The following MALRD1 variants were observed in gnomAD, a reference collection of about 807,000 sequenced individuals.
The protein encoded by MALRD1 is MAM and LDL-receptor class A domain-containing protein 1.
A neutral mutation model predicts 242.1 loss-of-function variants in MALRD1; 247 were observed. That is an observed-to-expected ratio of 1.02 (90% CI 0.92 to 1.13). The LOEUF is 1.13. Among genes scored for constraint, MALRD1 ranks in the 50% most tolerant of loss-of-function variants. The pLI, the probability that MALRD1 is intolerant of heterozygous loss-of-function variation, is 0.00. For synonymous variants in MALRD1, 995 were observed against 866.6 expected, an observed-to-expected ratio of 1.15 and a Z score of -2.60; for missense variants, 2,989 against 2,533.1, an observed-to-expected ratio of 1.18 and a Z score of -3.86.
chr10:19,444,262 A>G (rs1204682545), intron 28 of MALRD1, among the ~76,000 whole-genome samples: 1 of 152,100 alleles, frequency 6.6e-6, no homozygotes, highest in African/African-American at 2.4e-5. Flanking sequence ...CTCTTTATCC[A>G]ATTTGCCAGT....
At chr10:19,607,503 T>C (rs1380789460) in intron 34 of MALRD1, among the ~76,000 whole-genome samples, 1 of 152,106 alleles carries the variant, frequency 6.6e-6, no homozygotes, top group African/African-American at 2.4e-5. Flanking sequence ...GGGTTAGGGT[T>C]TCAAGATATG....
chr10:19,420,328 C>T (rs1425435865), intron 28 of MALRD1, among the ~76,000 whole-genome samples: 2 of 151,496 alleles, frequency 1.3e-5, no homozygotes, highest in African/African-American at 2.4e-5. Flanking sequence ...AGCCGGTAAT[C>T]GAAAAACGTT....
intron 13 of MALRD1, among the ~76,000 whole-genome samples, chr10:19,173,628 C>T (rs1033553134): frequency 6.6e-6 from 1 of 152,156 alleles, no homozygotes; most frequent in Non-Finnish European, 1.5e-5. Context: ...TAACACCCAT[C>T]AACATTTTCT....
At chr10:19,694,408 C>T (rs374772158) in intron 38 of MALRD1, among the ~76,000 whole-genome samples, 26 of 152,216 alleles carry the variant, frequency 1.7e-4, no homozygotes, top group South Asian at 1.7e-3. Context: ...AACAAGTGGG[C>T]GAAGGATATG....
intron 24 of MALRD1, among the ~76,000 whole-genome samples, chr10:19,339,163 A>G (rs1274649998): frequency 6.6e-6 from 1 of 152,092 alleles, no homozygotes; most frequent in Non-Finnish European, 1.5e-5. Context: ...TCCCAAGGCC[A>G]TGCCTTCATG....
chr10:19,531,553 A>G (rs1272337295), intron 32 of MALRD1, among the ~76,000 whole-genome samples: 1 of 152,154 alleles, frequency 6.6e-6, no homozygotes, highest in Middle Eastern at 3.2e-3. Flanking sequence ...TATCTCACTG[A>G]CGGCTGCCAC....
chr10:19,424,126 TA>T (rs1232586992), intron 28 of MALRD1, among the ~76,000 whole-genome samples: 3 of 152,094 alleles, frequency 2.0e-5, no homozygotes, highest in African/African-American at 7.2e-5. Flanking sequence ...TTTCTGCAAT[TA>T]TGCCACTTGT....
At chr10:19,196,536 GTTTTT>G (rs34242301) in intron 14 of MALRD1, among the ~76,000 whole-genome samples, 27 of 139,426 alleles carry the variant, frequency 1.9e-4, no homozygotes, top group Non-Finnish European at 3.2e-4. Context: ...ACCACTCTTT[GTTTTT>G]TTTTTTTTTT....
chr10:19,133,971 A>G, intron 9 of MALRD1, 23 bp downstream of exon 9: 7 of 1,133,794 alleles, frequency 6.2e-6, no homozygotes, highest in Non-Finnish European at 7.8e-6. Flanking sequence ...AAAAAAAAGT[A>G]TTTTTTTATC....
At chr10:19,697,187 A>C (rs867830856) in intron 38 of MALRD1, among the ~76,000 whole-genome samples, 2 of 152,122 alleles carry the variant, frequency 1.3e-5, no homozygotes, top group Middle Eastern at 3.2e-3. Context: ...GAGTTGTCTC[A>C]TGCAATTGTG....
chr10:19,054,117 A>C (rs58541891), intron 1 of MALRD1, among the ~76,000 whole-genome samples: 2,055 of 152,246 alleles, frequency 0.013, 51 homozygotes, highest in African/African-American at 0.047. Flanking sequence ...TTTTAAAAAA[A>C]TTTTTAAATG....
intron 33 of MALRD1, among the ~76,000 whole-genome samples, chr10:19,585,054 C>G (rs1837317769): frequency 9.3e-6 from 1 of 107,752 alleles, no homozygotes; most frequent in Non-Finnish European, 2.1e-5. Flanking sequence ...CAACCCCTGC[C>G]TTTTTTTGTT....
intron 28 of MALRD1, among the ~76,000 whole-genome samples, chr10:19,397,526 T>C (rs941610654): frequency 6.6e-6 from 1 of 152,176 alleles, no homozygotes; most frequent in Non-Finnish European, 1.5e-5. Flanking sequence ...TTGGCTATTG[T>C]GAATAGTGCT....
intron 28 of MALRD1, among the ~76,000 whole-genome samples, chr10:19,424,278 G>C (rs879396743): frequency 3.9e-5 from 6 of 152,044 alleles, no homozygotes; most frequent in Non-Finnish European, 8.8e-5. Context: ...TCCTGCCTCA[G>C]CCTCTCGAGT....
chr10:19,436,202 G>A (rs907264897), intron 28 of MALRD1, among the ~76,000 whole-genome samples: 1 of 152,136 alleles, frequency 6.6e-6, no homozygotes, highest in Admixed American at 6.6e-5. Context: ...AATAATACTA[G>A]AAGCGACAAC....
chr10:19,122,590 T>C (rs1837100915), intron 5 of MALRD1, among the ~76,000 whole-genome samples: 1 of 152,046 alleles, frequency 6.6e-6, no homozygotes, highest in African/African-American at 2.4e-5. Context: ...GGGGTGCCAT[T>C]TGACATGAGA....
At chr10:19,702,071 AC>A (rs1417778251) in intron 38 of MALRD1, among the ~76,000 whole-genome samples, 2 of 152,150 alleles carry the variant, frequency 1.3e-5, no homozygotes, top group Admixed American at 1.3e-4. Context: ...AAGGAGCTCA[AC>A]TTAAATATTC....
chr10:19,344,982 T>C (rs566532102), intron 24 of MALRD1, among the ~76,000 whole-genome samples: 6 of 152,232 alleles, frequency 3.9e-5, no homozygotes, highest in Admixed American at 2.6e-4. Flanking sequence ...TTGGCATTAA[T>C]TGCACCACAA....
At chr10:19,674,050 T>C (rs1349946941) in intron 36 of MALRD1, among the ~76,000 whole-genome samples, 1 of 152,106 alleles carries the variant, frequency 6.6e-6, no homozygotes, top group African/African-American at 2.4e-5. Flanking sequence ...CTTAGACTTG[T>C]TGACTAAGAC....
Sources: gnomAD v4.1 joint callset for allele counts (sites outside exome capture counted in the v4.1 genomes callset) on GRCh38, gnomAD v4.1.1 for gene constraint, MANE v1.5 for transcripts, NCBI Gene and HGNC (gene_info 2026-07-23, HGNC 2026-07-21) for gene names.